The following BCAS3 variants were observed in gnomAD, a reference collection of about 807,000 sequenced individuals.
The protein encoded by BCAS3 is BCAS3 microtubule associated cell migration factor.
Under a neutral mutation model 116.1 loss-of-function variants are expected in BCAS3, and 53 were observed. The observed-to-expected ratio is 0.46, with a 90% CI of 0.37 to 0.57. The LOEUF (loss-of-function observed/expected upper bound fraction) is 0.57, where lower values mean the gene tolerates loss of function less well. Among genes scored for constraint, BCAS3 ranks in the 20% least tolerant of loss-of-function variants. BCAS3 has a pLI of 0.00. For missense variants in BCAS3, 917 were observed against 1,165.4 expected (o/e 0.79, Z 3.10); for synonymous variants, 391 against 408.2 (o/e 0.96, Z 0.51).
Position 61,131,003 on chromosome 17 carries a change from C to G in BCAS3, c.2425+46439C>G, listed in dbSNP as rs2076306417. 1 of 152,180 alleles carries G rather than the reference C, an allele frequency of 6.6e-6. No homozygotes were observed. 9.4% of individuals were successfully genotyped at this position (152,180 alleles called of 1,614,324 possible). ...CCTGGGAGGCGGAGGTTGCAGTGAG[C>G]CGAGATTGCGCCACTGCACTCCAGT... On this transcript the variant is annotated intron_variant, in intron 22 of 23. Coordinates refer to ENST00000407086, the MANE Select transcript of BCAS3 (RefSeq NM_017679.5). The surrounding 1 kb of genome is among the most constrained non-coding windows in gnomAD (Gnocchi z 4.4).
intron 22 of BCAS3, among the ~76,000 whole-genome samples, chr17:61,120,716 C>CT (rs904541122): frequency 4.0e-5 from 6 of 151,858 alleles, no homozygotes; most frequent in Middle Eastern, 3.4e-3. Context: ...AAAATAAGGA[C>CT]TTTTTTTTAA....
intron 22 of BCAS3, among the ~76,000 whole-genome samples, chr17:61,202,832 C>T (rs889485237): frequency 1.3e-5 from 2 of 152,044 alleles, no homozygotes; most frequent in South Asian, 2.1e-4. Context: ...ATGAGTCAAT[C>T]GTAGAAATAA....
At chr17:61,216,503 T>C (rs1601957471) in intron 22 of BCAS3, among the ~76,000 whole-genome samples, 2 of 150,958 alleles carry the variant, frequency 1.3e-5, no homozygotes, top group East Asian at 3.9e-4. Context: ...ACTAAGCAAG[T>C]CAATAAGTAT....
At chr17:60,736,164 A>G (rs1291256876) in intron 5 of BCAS3, among the ~76,000 whole-genome samples, 1 of 152,118 alleles carries the variant, frequency 6.6e-6, no homozygotes, top group Non-Finnish European at 1.5e-5. Flanking sequence ...TTTGCCTCCC[A>G]AAGTGCTTGG....
chr17:60,788,005 AG>A, intron 6 of BCAS3, among the ~76,000 whole-genome samples: 1 of 152,070 alleles, frequency 6.6e-6, no homozygotes, highest in East Asian at 1.9e-4. Flanking sequence ...ATTTATATAA[AG>A]TTTGAGTTCT....
intron 22 of BCAS3, among the ~76,000 whole-genome samples, chr17:61,085,478 T>C (rs2073015526): frequency 6.6e-6 from 1 of 152,236 alleles, no homozygotes; most frequent in Non-Finnish European, 1.5e-5. Flanking sequence ...AAGGTCACTT[T>C]AAAAAGACCA....
Position 61,248,498 on chromosome 17 carries a change from C to T in BCAS3, c.2426-119829C>T, listed in dbSNP as rs561801200. On this transcript the variant is annotated intron_variant, in intron 22 of 23. Coordinates refer to ENST00000407086, the MANE Select transcript of BCAS3 (RefSeq NM_017679.5). The surrounding 1 kb of genome is among the most constrained non-coding windows in gnomAD (Gnocchi z 4.3). ...CTAAGTCCCAGCCTGGCATGAATTC[C>T]CAGAGAGCCTTGGGCCTTGGGAGGA... Among the ~76,000 whole-genome samples, 2 of 152,112 alleles carry T rather than the reference C, an allele frequency of 1.3e-5. No homozygotes were observed. Among genetic ancestry groups the T allele is most frequent in the African/African-American group, 4.8e-5 (2 of 41,410 alleles).
chr17:60,844,638 C>G (rs1199058230), intron 7 of BCAS3, among the ~76,000 whole-genome samples: 1 of 152,032 alleles, frequency 6.6e-6, no homozygotes, highest in Admixed American at 6.6e-5. Flanking sequence ...GGGGGAGGGC[C>G]CTTGTATCAA....
intron 4 of BCAS3, among the ~76,000 whole-genome samples, chr17:60,702,504 T>C (rs1485422125): frequency 6.6e-6 from 1 of 152,184 alleles, no homozygotes; most frequent in African/African-American, 2.4e-5. Context: ...GATTGATATG[T>C]ACTGTAGATT....
chr17:60,766,650 T>C (rs2044126508), intron 6 of BCAS3, among the ~76,000 whole-genome samples: 1 of 152,130 alleles, frequency 6.6e-6, no homozygotes, highest in South Asian at 2.1e-4. Context: ...TACACAGGGG[T>C]CAGGGACCCA....
At chr17:61,334,855 A>G (rs1404096653) in intron 22 of BCAS3, among the ~76,000 whole-genome samples, 2 of 152,178 alleles carry the variant, frequency 1.3e-5, no homozygotes, top group Non-Finnish European at 2.9e-5. Context: ...TGCCCAGTAA[A>G]TGCTTGACCC....
In BCAS3 at chr17:61,219,020, G is replaced by A. The variant is rs1002421700; in HGVS notation, c.2425+134456G>A. 1.3e-5 allele frequency among the ~76,000 whole-genome samples: 2 copies of A among 152,184 alleles called. No individual in the cohort carries two copies. The highest frequency in any genetic ancestry group is 2.9e-5 in the Non-Finnish European group (2 of 68,030). On this transcript the variant is annotated intron_variant, in intron 22 of 23. Transcript: ENST00000407086. The surrounding 1 kb of genome is among the most constrained non-coding windows in gnomAD (Gnocchi z 5.2). ...AGTAGTGTCACTTGAATCCAAAAAA[G>A]TGATCTCCCTCCTCATTTTCTGTTT...
rs2064898366 is a variant in BCAS3 at position 61,008,763 on chromosome 17, T to C, written c.1487-6988T>C. Among the ~76,000 whole-genome samples, 1 of 151,846 alleles carries C rather than the reference T, an allele frequency of 6.6e-6. No individual in the cohort carries two copies. Among genetic ancestry groups the C allele is most frequent in the African/African-American group, 2.4e-5 (1 of 41,342 alleles). On this transcript the variant is annotated intron_variant, in intron 15 of 23. Transcript: ENST00000407086. The surrounding 1 kb of genome is among the most constrained non-coding windows in gnomAD (Gnocchi z 4.6). ...ATCTAGTTTTTATTTTTGAAAGATA[T>C]GATATAGGGAATAGAACATCTACAT...
rs961426070 is a variant in BCAS3, at chr17:61,128,211, A to G, written c.2425+43647A>G. ...CCACCAGGAATAGTGTGAGTCAAGG[A>G]TGAGTACATGAAGATGAAGCCCATG... On this transcript the variant is annotated intron_variant, in intron 22 of 23. Transcript: ENST00000407086. This position sits in a 1 kb window ranked among gnomAD's most constrained non-coding sequence, Gnocchi z 4.1. The G allele has an allele frequency of 1.0e-6, 1 of 985,358 alleles. No individual in the cohort carries two copies. Among genetic ancestry groups the G allele is most frequent in the Non-Finnish European group, 1.2e-6 (1 of 829,932 alleles). 61.0% of individuals were successfully genotyped at this position (985,358 alleles called of 1,614,324 possible). A position where few individuals can be genotyped will look rare whatever the true frequency, so the allele number is the denominator to read the frequency against.
intron 13 of BCAS3, among the ~76,000 whole-genome samples, chr17:60,926,979 G>A (rs1442802386): frequency 1.3e-5 from 2 of 152,178 alleles, no homozygotes; most frequent in Admixed American, 6.5e-5. Context: ...AATTTATTTT[G>A]TGACAATCAT....
intron 7 of BCAS3, among the ~76,000 whole-genome samples, chr17:60,808,942 A>G (rs1420463920): frequency 1.3e-5 from 2 of 152,154 alleles, no homozygotes; most frequent in African/African-American, 4.8e-5. Context: ...AGGGTAGGTT[A>G]TAATATAGTA....
At chr17:61,147,429 G>T (rs2077288065) in intron 22 of BCAS3, among the ~76,000 whole-genome samples, 3 of 151,964 alleles carry the variant, frequency 2.0e-5, no homozygotes, top group Admixed American at 6.6e-5. Context: ...TCACCAGGTT[G>T]CCAGGCTGGT....
At chr17:61,191,297 A>G (rs947269597) in intron 22 of BCAS3, among the ~76,000 whole-genome samples, 1 of 152,166 alleles carries the variant, frequency 6.6e-6, no homozygotes, top group African/African-American at 2.4e-5. Flanking sequence ...ATACTTTAAT[A>G]TGAATAAAGA....
chr17:60,811,181 T>C, intron 7 of BCAS3: 2 of 661,726 alleles, frequency 3.0e-6, no homozygotes, highest in South Asian at 1.5e-5. Context: ...GGGCAGATCC[T>C]GTAGACTGGA....
Sources: allele counts gnomAD v4.1 joint callset (sites outside exome capture counted in the v4.1 genomes callset), GRCh38; gene constraint gnomAD v4.1.1; non-coding constraint Gnocchi (gnomAD v3.1); transcripts MANE v1.5; gene names NCBI Gene and HGNC (gene_info 2026-07-23, HGNC 2026-07-21).